The following SHANK2 variants were observed in gnomAD, a reference collection of about 807,000 sequenced individuals.
The protein encoded by SHANK2 is SH3 and multiple ankyrin repeat domains 2.
Under a neutral mutation model 133.7 loss-of-function variants are expected in SHANK2, and 43 were observed. The ratio of observed to expected loss-of-function variants is 0.32; its 90% CI spans 0.25 to 0.41. The LOEUF (loss-of-function observed/expected upper bound fraction) is 0.41. Ranked by LOEUF, SHANK2 falls within the 10% of genes least tolerant of loss-of-function variation. SHANK2 has a pLI of 1.00. For synonymous variants in SHANK2, 1,017 were observed against 952.8 expected, an observed-to-expected ratio of 1.07 and a Z score of -1.24; for missense variants, 1,994 against 2,235.8, an observed-to-expected ratio of 0.89 and a Z score of 2.18.
In SHANK2 at chr11:70,468,471, T is replaced by C. The variant is rs1463471331; in HGVS notation, c.*4398A>G. The C allele has an allele frequency of 6.6e-6, 1 of 152,250 alleles. No homozygotes were observed. The highest frequency in any genetic ancestry group is 2.4e-5 in the African/African-American group (1 of 41,460). The allele number at this position is 152,250 out of a possible 1,614,324, so 9.4% of individuals were successfully genotyped here. A position where few individuals can be genotyped will look rare whatever the true frequency, so the allele number is the denominator to read the frequency against. Reference sequence around the variant, plus strand: ...CTGTGGTCACCCAGCCACTGTGGAATGTTCACCTACTTGCATGGGTTCATG... The same window carrying C: ...CTGTGGTCACCCAGCCACTGTGGAACGTTCACCTACTTGCATGGGTTCATG... On this transcript the variant is annotated 3_prime_UTR_variant, in exon 26 of 26. Coordinates refer to ENST00000601538, the MANE Select transcript of SHANK2 (RefSeq NM_012309.5).
At chr11:70,695,894 G>A (rs1945382101) in intron 15 of SHANK2, among the ~76,000 whole-genome samples, 1 of 152,202 alleles carries the variant, frequency 6.6e-6, no homozygotes, top group Non-Finnish European at 1.5e-5. Context: ...GGGAGTACTG[G>A]AGCTGACTCC....
chr11:71,092,586 G>C lies in SHANK2; in HGVS notation c.748C>G (p.Leu250Val), dbSNP rs1555094328. The part of the protein sequence containing the change: ...RARNQVALKT[L>V]LELGASPDYK... Reference sequence around the variant, plus strand: ...TCTGGGGATGCACCAAGCTCTAAAAGGGTCTAGGAAAAAAAAATTGAAAGC... The same window carrying C: ...TCTGGGGATGCACCAAGCTCTAAAACGGTCTAGGAAAAAAAAATTGAAAGC... The change falls in exon 8 of 26, where the codon CTT becomes GTT. Residue 250 changes from leucine (L) to valine (V), a missense_variant. By Grantham distance (32) the Leu-to-Val change is conservative. Around this residue, in one of 5 missense-constraint regions of SHANK2, gnomAD observed 653 missense variants for 563.4 expected, o/e 1.16. Transcript: ENST00000601538. 12 of 1,550,978 alleles carry C rather than the reference G, an allele frequency of 7.7e-6. No individual in the cohort carries two copies. In the Admixed American group the frequency reaches 7.8e-5, roughly 10 times the overall value.
chr11:70,903,627 G>T (rs1489206733), intron 10 of SHANK2, among the ~76,000 whole-genome samples: 11 of 152,148 alleles, frequency 7.2e-5, no homozygotes, highest in African/African-American at 2.2e-4. Flanking sequence ...TGTCCACGAG[G>T]GGCTGGGGTC....
intron 1 of SHANK2, among the ~76,000 whole-genome samples, chr11:71,250,063 C>G (rs1227114074): frequency 6.6e-6 from 1 of 152,136 alleles, no homozygotes; most frequent in African/African-American, 2.4e-5. Context: ...TTTTCTATAG[C>G]AGACTGTACT....
intron 3 of SHANK2, among the ~76,000 whole-genome samples, chr11:71,135,324 C>T (rs192494893): frequency 2.6e-5 from 4 of 152,226 alleles, no homozygotes; most frequent in East Asian, 1.9e-4. Flanking sequence ...CCTTGTGGAG[C>T]GGAATTGCTG....
chr11:70,602,329 A>G (rs1178213042), intron 17 of SHANK2, among the ~76,000 whole-genome samples: 3 of 152,246 alleles, frequency 2.0e-5, no homozygotes, highest in African/African-American at 7.2e-5. Flanking sequence ...AGAAGGGCCT[A>G]ATGCAACTCC....
chr11:70,897,640 T>C (rs1217278267), intron 10 of SHANK2, among the ~76,000 whole-genome samples: 1 of 152,200 alleles, frequency 6.6e-6, no homozygotes, highest in Non-Finnish European at 1.5e-5. Flanking sequence ...CTTCCCAACA[T>C]GGGCTTACTT....
chr11:70,745,368 C>T (rs771285986), intron 14 of SHANK2, among the ~76,000 whole-genome samples: 70 of 152,180 alleles, frequency 4.6e-4, no homozygotes, highest in Non-Finnish European at 6.3e-4. Flanking sequence ...CCCTGGGTGC[C>T]CACATCTCTC....
At chr11:70,532,792 A>G (rs1169805021) in intron 17 of SHANK2, among the ~76,000 whole-genome samples, 4 of 152,220 alleles carry the variant, frequency 2.6e-5, no homozygotes, top group African/African-American at 9.7e-5. Flanking sequence ...GCAGGGTCTT[A>G]GACCGACACG....
At chr11:71,217,324 G>A (rs1350802099) in intron 2 of SHANK2, among the ~76,000 whole-genome samples, 6 of 152,036 alleles carry the variant, frequency 3.9e-5, no homozygotes, top group African/African-American at 1.4e-4. Flanking sequence ...TGGCCAACAT[G>A]GAGAAACCCC....
At chr11:70,680,401 G>A (rs1445992411) in intron 15 of SHANK2, among the ~76,000 whole-genome samples, 5 of 152,014 alleles carry the variant, frequency 3.3e-5, no homozygotes, top group Admixed American at 6.5e-5. Context: ...CTCCAGAGGA[G>A]GGGCTGCTTG....
chr11:70,646,539 T>C (rs1555008290), intron 17 of SHANK2, among the ~76,000 whole-genome samples: 1 of 152,222 alleles, frequency 6.6e-6, no homozygotes. Context: ...GCTTAGGGGC[T>C]ATGGAGAAGC....
intron 17 of SHANK2, among the ~76,000 whole-genome samples, chr11:70,532,009 G>C (rs2059480285): frequency 6.6e-6 from 1 of 152,204 alleles, no homozygotes; most frequent in South Asian, 2.1e-4. Context: ...CAGAGGCTGG[G>C]TACGGAGCTC....
intron 18 of SHANK2, 121 bp downstream of exon 18, chr11:70,502,675 G>T: frequency 8.5e-7 from 1 of 1,170,550 alleles, no homozygotes; most frequent in Non-Finnish European, 1.2e-6. Context: ...CTGTGCCTGG[G>T]CTCTCAGAAG....
In SHANK2 at chr11:71,057,912, C is replaced by T. The variant is rs971811704; in HGVS notation, c.1030-1354G>A. On this transcript the variant is annotated intron_variant, in intron 9 of 25. Coordinates refer to ENST00000601538, the MANE Select transcript of SHANK2 (RefSeq NM_012309.5). Reference sequence around the variant, plus strand: ...TTAATGTTGTTAAAAGCAAGCAAAACGGTTTTTTTTTTTTTTTTTGAGACA... The same window carrying T: ...TTAATGTTGTTAAAAGCAAGCAAAATGGTTTTTTTTTTTTTTTTTGAGACA... 5.4e-4 allele frequency among the ~76,000 whole-genome samples: 65 copies of T among 120,690 alleles called. 1 individual carries two copies. The highest frequency in any genetic ancestry group is 4.2e-3 in the Middle Eastern group (1 of 238). The allele number at this position is 120,690 out of a possible 152,430, so 79.2% of individuals were successfully genotyped here. A position where few individuals can be genotyped will look rare whatever the true frequency, so the allele number is the denominator to read the frequency against.
chr11:71,167,697 A>G (rs1161509584), intron 2 of SHANK2, among the ~76,000 whole-genome samples: 187 of 72,164 alleles, frequency 2.6e-3, no homozygotes, highest in Middle Eastern at 0.013. Flanking sequence ...TCCTGGACGG[A>G]GCGGCTGGCC....
chr11:71,215,231 C>G (rs957947119), intron 2 of SHANK2, among the ~76,000 whole-genome samples: 2 of 152,240 alleles, frequency 1.3e-5, no homozygotes, highest in Non-Finnish European at 2.9e-5. Context: ...AGGGCCCACG[C>G]TCTCTCTGAG....
At chr11:70,729,571 CTGGAG>C (rs1293862299) in intron 14 of SHANK2, among the ~76,000 whole-genome samples, 1 of 150,210 alleles carries the variant, frequency 6.7e-6, no homozygotes, top group Non-Finnish European at 1.5e-5. Context: ...GTTGCCCAGG[CTGGAG>C]TGCAGTGGTG....
chr11:70,563,096 C>A (rs920562901), intron 17 of SHANK2, among the ~76,000 whole-genome samples: 3 of 152,186 alleles, frequency 2.0e-5, no homozygotes, highest in African/African-American at 7.2e-5. Context: ...GTCTCGATCT[C>A]TTGATCTCGT....
Sources: gnomAD v4.1 joint callset for allele counts (sites outside exome capture counted in the v4.1 genomes callset) on GRCh38, gnomAD v4.1.1 for gene constraint, gnomAD v4.1.1 regional missense constraint, MANE v1.5 for transcripts, NCBI Gene and HGNC (gene_info 2026-07-23, HGNC 2026-07-21) for gene names.